Variants in CHSY3 observed in about 807,000 individuals in gnomAD.
The protein encoded by CHSY3 is chondroitin sulfate synthase 3, also known as N-acetylgalactosaminyl-proteoglycan 3-beta-glucuronosyltransferase 3.
CHSY3 carries 35 observed loss-of-function variants against 67.2 expected under a neutral mutation model. That is an observed-to-expected ratio of 0.52 (90% CI 0.40 to 0.69). The LOEUF is 0.69. Among genes scored for constraint, CHSY3 ranks in the 30% least tolerant of loss-of-function variants. The pLI is 0.00. For synonymous variants in CHSY3, 474 were observed against 434.7 expected, an observed-to-expected ratio of 1.09 and a Z score of -1.12; for missense variants, 1,069 against 1,138.5, an observed-to-expected ratio of 0.94 and a Z score of 0.88.
At position 129,912,092 on chromosome 5, in the gene CHSY3, T is replaced by C. The variant is rs367995816; in HGVS notation, c.1086+3732T>C. 1.2e-4 allele frequency among the ~76,000 whole-genome samples: 18 copies of C among 152,118 alleles called. 1 individual carries two copies. Among genetic ancestry groups the C allele is most frequent in the African/African-American group, 4.1e-4 (17 of 41,514 alleles). ...ACAACAACAACAAAAAAACTTACTA[T>C]GAAATATGGACACCTGTTTTAAAAA... On this transcript the variant is annotated intron_variant, in intron 2 of 2. Transcript: ENST00000305031.
chr5:129,985,634 G>A (rs751020735), intron 2 of CHSY3, among the ~76,000 whole-genome samples: 11 of 151,934 alleles, frequency 7.2e-5, no homozygotes, highest in South Asian at 6.2e-4. Context: ...CCATTTTAAC[G>A]CTATTGATTC....
intron 2 of CHSY3, among the ~76,000 whole-genome samples, chr5:130,036,498 G>A (rs1404631139): frequency 1.3e-5 from 2 of 152,068 alleles, no homozygotes; most frequent in Non-Finnish European, 2.9e-5. Flanking sequence ...ACATAAAATG[G>A]ATTTGTTCAT....
chr5:130,183,710 G>A (rs951552461), intron 2 of CHSY3, among the ~76,000 whole-genome samples: 6 of 152,074 alleles, frequency 3.9e-5, no homozygotes, highest in African/African-American at 1.4e-4. Context: ...TGATTTCATA[G>A]GACTAGAGTG....
intron 2 of CHSY3, among the ~76,000 whole-genome samples, chr5:129,941,080 G>A (rs1046299790): frequency 6.6e-6 from 1 of 152,092 alleles, no homozygotes; most frequent in Admixed American, 6.5e-5. Context: ...AATTAGCCGA[G>A]CATGGTAGCA....
chr5:130,179,847 G>T (rs1056705062), intron 2 of CHSY3, among the ~76,000 whole-genome samples: 6 of 151,864 alleles, frequency 4.0e-5, no homozygotes, highest in Non-Finnish European at 8.8e-5. Context: ...GATTTATTTT[G>T]GTAGGAGTGT....
At chr5:130,146,116 A>G (rs1303803667) in intron 2 of CHSY3, among the ~76,000 whole-genome samples, 1 of 152,050 alleles carries the variant, frequency 6.6e-6, no homozygotes, top group Non-Finnish European at 1.5e-5. Flanking sequence ...TCCAAAGGAA[A>G]TATAATCAGT....
chr5:130,046,318 T>C (rs1241519992), intron 2 of CHSY3, among the ~76,000 whole-genome samples: 5 of 152,168 alleles, frequency 3.3e-5, no homozygotes, highest in Non-Finnish European at 5.9e-5. Context: ...TGTTATACTA[T>C]TCTTTTAGTA....
At position 130,007,005 on chromosome 5, in the gene CHSY3, G is replaced by A. The variant is rs578067186; in HGVS notation, c.1086+98645G>A. On this transcript the variant is annotated intron_variant, in intron 2 of 2. Coordinates refer to ENST00000305031, the MANE Select transcript of CHSY3 (RefSeq NM_175856.5). ...TTGCTCTGAAGTGGAGCCAGAGATTGTACATTTCTAAAAAGCACTTAGGTG... is the reference window on the plus strand; with the variant it reads ...TTGCTCTGAAGTGGAGCCAGAGATTATACATTTCTAAAAAGCACTTAGGTG... Among the ~76,000 whole-genome samples the A allele has an allele frequency of 2.6e-4, 39 of 152,218 alleles. No homozygotes were observed. The South Asian group carries it at 5.0e-3, about 19-fold the overall frequency.
intron 2 of CHSY3, among the ~76,000 whole-genome samples, chr5:130,027,843 T>TGC (rs1199536613): frequency 3.3e-5 from 5 of 152,184 alleles, no homozygotes; most frequent in African/African-American, 9.7e-5. Flanking sequence ...GGTGTATATG[T>TGC]GCCACATTTT....
At chr5:130,146,657 A>G (rs1243613491) in intron 2 of CHSY3, among the ~76,000 whole-genome samples, 5 of 152,182 alleles carry the variant, frequency 3.3e-5, no homozygotes, top group African/African-American at 1.2e-4. Flanking sequence ...GTTTATCATT[A>G]AGGTAATGGA....
chr5:130,087,061 A>G (rs1275229750), intron 2 of CHSY3, among the ~76,000 whole-genome samples: 1 of 152,206 alleles, frequency 6.6e-6, no homozygotes, highest in Non-Finnish European at 1.5e-5. Context: ...GGCTGTTTCA[A>G]TATATGCAAA....
intron 2 of CHSY3, among the ~76,000 whole-genome samples, chr5:130,125,516 C>T (rs1442761529): frequency 6.6e-6 from 1 of 152,094 alleles, no homozygotes; most frequent in Non-Finnish European, 1.5e-5. Flanking sequence ...CTTTTCAACT[C>T]ATCACTGGAG....
rs1271103428 is a variant in CHSY3, at chr5:130,133,788, A to G, written c.1087-50441A>G. ...CTCCGTCTTAAAAAAAAAAAAAAAA[A>G]AAAAAAAGAAAAAAAAAAAAAAGGC... On this transcript the variant is annotated intron_variant, in intron 2 of 2. Transcript: ENST00000305031. Among the ~76,000 whole-genome samples the G allele has an allele frequency of 3.9e-4, 48 of 122,906 alleles. No individual in the cohort carries two copies. In the East Asian group the frequency reaches 7.9e-3, roughly 20 times the overall value. 80.6% of individuals were successfully genotyped at this position (122,906 alleles called of 152,430 possible).
chr5:130,024,505 C>T (rs1398696190), intron 2 of CHSY3, among the ~76,000 whole-genome samples: 16 of 152,238 alleles, frequency 1.1e-4, no homozygotes, highest in African/African-American at 3.6e-4. Flanking sequence ...CTGACCCTGA[C>T]TTTCTGCAGT....
At chr5:129,910,981 T>C (rs916671505) in intron 2 of CHSY3, among the ~76,000 whole-genome samples, 28 of 45,200 alleles carry the variant, frequency 6.2e-4, no homozygotes, top group Non-Finnish European at 1.7e-3. Flanking sequence ...ATTTTAGGAT[T>C]TTTTTTTTTT....
intron 2 of CHSY3, among the ~76,000 whole-genome samples, chr5:129,979,692 G>C (rs1762927337): frequency 6.6e-6 from 1 of 152,098 alleles, no homozygotes; most frequent in Admixed American, 6.6e-5. Context: ...GTATAATGAT[G>C]TATTCATCAT....
chr5:129,948,910 T>C (rs1018009197), intron 2 of CHSY3, among the ~76,000 whole-genome samples: 10 of 152,156 alleles, frequency 6.6e-5, no homozygotes, highest in African/African-American at 2.2e-4. Flanking sequence ...GTAAATCTAC[T>C]TGTGGTTCTT....
chr5:129,941,369 C>T (rs1470937967), intron 2 of CHSY3, among the ~76,000 whole-genome samples: 1 of 152,008 alleles, frequency 6.6e-6, no homozygotes, highest in Non-Finnish European at 1.5e-5. Context: ...AAATCATAGA[C>T]TCTTTATTCA....
intron 2 of CHSY3, among the ~76,000 whole-genome samples, chr5:130,153,150 G>C (rs1362870815): frequency 1.3e-5 from 2 of 152,152 alleles, no homozygotes; most frequent in African/African-American, 2.4e-5. Flanking sequence ...AGAATTGCTT[G>C]AGTCTGGAAG....
Sources: gnomAD v4.1 joint callset for allele counts (sites outside exome capture counted in the v4.1 genomes callset) on GRCh38, gnomAD v4.1.1 for gene constraint, MANE v1.5 for transcripts, NCBI Gene and HGNC (gene_info 2026-07-23, HGNC 2026-07-21) for gene names.